The following SMYD3 variants were observed in gnomAD, a reference collection of about 807,000 sequenced individuals.
SMYD3 encodes SET and MYND domain containing 3.
SMYD3 carries 36 observed loss-of-function variants against 57.7 expected under a neutral mutation model. The ratio of observed to expected loss-of-function variants is 0.62; its 90% CI spans 0.48 to 0.82. The LOEUF is 0.82. Among genes scored for constraint, SMYD3 ranks in the 40% least tolerant of loss-of-function variants. SMYD3 has a pLI of 0.00. For missense variants in SMYD3, 515 were observed against 538.8 expected (o/e 0.96, Z 0.44); for synonymous variants, 211 against 195.0 (o/e 1.08, Z -0.68).
At chr1:245,905,462 G>A (rs2054495446) in intron 8 of SMYD3, among the ~76,000 whole-genome samples, 1 of 152,238 alleles carries the variant, frequency 6.6e-6, no homozygotes, top group Admixed American at 6.5e-5. Context: ...GTGGCCAGGG[G>A]TAAAGGTGGC....
intron 10 of SMYD3, among the ~76,000 whole-genome samples, chr1:245,802,010 C>T (rs1382536315): frequency 2.0e-5 from 3 of 151,750 alleles, no homozygotes; most frequent in African/African-American, 7.3e-5. Flanking sequence ...TATATATAAT[C>T]AATCAGTCCT....
chr1:246,503,732 G>A (rs12566653), intron 1 of SMYD3, among the ~76,000 whole-genome samples: 13,515 of 152,206 alleles, frequency 0.089, 637 homozygotes, highest in Middle Eastern at 0.21. Flanking sequence ...GGAGGCTGAG[G>A]CGGGTAGATC....
At chr1:245,953,294 A>G (rs950651844) in intron 5 of SMYD3, 1 of 999,044 alleles carries the variant, frequency 1.0e-6, no homozygotes, top group African/African-American at 1.7e-5. Context: ...GCACATTAAT[A>G]TATCAACTCC....
chr1:246,058,750 A>G (rs966419620), intron 5 of SMYD3, among the ~76,000 whole-genome samples: 1 of 152,234 alleles, frequency 6.6e-6, no homozygotes, highest in African/African-American at 2.4e-5. Context: ...TTTATTGAGG[A>G]AACAATAAAA....
intron 1 of SMYD3, among the ~76,000 whole-genome samples, chr1:246,363,850 C>CAGA (rs1182684505): frequency 1.3e-5 from 2 of 152,044 alleles, no homozygotes; most frequent in African/African-American, 4.8e-5. Flanking sequence ...ATCTGCTGAC[C>CAGA]TTCCCTCCAC....
At chr1:246,160,340 G>A (rs781515170) in intron 5 of SMYD3, among the ~76,000 whole-genome samples, 6 of 152,140 alleles carry the variant, frequency 3.9e-5, no homozygotes, top group Non-Finnish European at 8.8e-5. Flanking sequence ...TATTAAAACT[G>A]AAAATGACTA....
chr1:246,260,393 C>T (rs1630253), intron 5 of SMYD3, among the ~76,000 whole-genome samples: 40,601 of 152,072 alleles, frequency 0.27, 6,121 homozygotes, highest in East Asian at 0.58. Flanking sequence ...CTGGGTGTCC[C>T]TCACGATTCC....
rs183922398 is a variant in SMYD3, at chr1:245,920,038, C to G, written c.703-4398G>C. Among the ~76,000 whole-genome samples the G allele has an allele frequency of 1.6e-3, 246 of 152,250 alleles. 3 individuals are homozygous for G. In the South Asian group the frequency reaches 0.017, roughly 11 times the overall value. ...GATAAGATGAGCAAGTTAAGGCCGG[C>G]CACGGTGGCTCACGCCTGTAATCCC... is the stretch of plus-strand genomic sequence containing the variant. On this transcript the variant is annotated intron_variant, in intron 7 of 11. Coordinates refer to ENST00000490107, the MANE Select transcript of SMYD3 (RefSeq NM_001167740.2).
intron 5 of SMYD3, among the ~76,000 whole-genome samples, chr1:246,131,940 T>C (rs2061594181): frequency 6.6e-6 from 1 of 152,162 alleles, no homozygotes; most frequent in South Asian, 2.1e-4. Flanking sequence ...GATGTCCTTC[T>C]GAGCACAATG....
intron 5 of SMYD3, among the ~76,000 whole-genome samples, chr1:246,256,204 C>G (rs958763541): frequency 1.3e-5 from 2 of 152,062 alleles, no homozygotes; most frequent in Non-Finnish European, 2.9e-5. Context: ...GGCTGGGAGG[C>G]TAGGCCTGTC....
intron 5 of SMYD3, among the ~76,000 whole-genome samples, chr1:246,275,331 T>C (rs566822301): frequency 2.6e-5 from 4 of 152,346 alleles, no homozygotes; most frequent in South Asian, 2.1e-4. Flanking sequence ...AACAAAGATA[T>C]GGAGTCTGAT....
At chr1:245,879,990 A>G (rs112131322) in intron 8 of SMYD3, among the ~76,000 whole-genome samples, 2 of 147,894 alleles carry the variant, frequency 1.4e-5, no homozygotes, top group African/African-American at 5.0e-5. Context: ...TGCTGTACAC[A>G]CCAGAGATAG....
intron 5 of SMYD3, among the ~76,000 whole-genome samples, chr1:245,959,317 T>A (rs1308679986): frequency 6.6e-6 from 1 of 152,168 alleles, no homozygotes; most frequent in African/African-American, 2.4e-5. Context: ...ACATCCATGC[T>A]TGCTCTGTTA....
chr1:245,966,657 G>C (rs1303645265), intron 5 of SMYD3, among the ~76,000 whole-genome samples: 1 of 152,098 alleles, frequency 6.6e-6, no homozygotes, highest in Admixed American at 6.5e-5. Context: ...ATATCAACCA[G>C]AGTGCTCAAG....
chr1:246,233,970 G>A (rs1339758577), intron 5 of SMYD3, among the ~76,000 whole-genome samples: 7 of 130,496 alleles, frequency 5.4e-5, no homozygotes, highest in South Asian at 3.1e-4. Flanking sequence ...CAGAGGAGAA[G>A]CACTCCTTCA....
At chr1:245,842,084 T>C (rs553075711) in intron 10 of SMYD3, among the ~76,000 whole-genome samples, 1 of 152,330 alleles carries the variant, frequency 6.6e-6, no homozygotes, top group Admixed American at 6.5e-5. Flanking sequence ...TATAGTCTAG[T>C]TGTGTAGTAG....
At chr1:246,269,543 C>CTTTTTTTTTTTTTTT (rs570972296) in intron 5 of SMYD3, among the ~76,000 whole-genome samples, 5 of 135,204 alleles carry the variant, frequency 3.7e-5, no homozygotes, top group Admixed American at 1.5e-4. Context: ...CTTTTTTTTT[C>CTTTTTTTTTTTTTTT]TTTTTTTTTT....
At chr1:245,783,343 C>T (rs909415151) in intron 10 of SMYD3, among the ~76,000 whole-genome samples, 1 of 152,168 alleles carries the variant, frequency 6.6e-6, no homozygotes. Flanking sequence ...ATTGTGAGAA[C>T]CAGCTGTAGA....
At chr1:246,490,271 A>G (rs1033194465) in intron 1 of SMYD3, among the ~76,000 whole-genome samples, 2 of 152,196 alleles carry the variant, frequency 1.3e-5, no homozygotes, top group African/African-American at 4.8e-5. Context: ...ACTAGCTTCC[A>G]TAATCAGTAG....
Sources: gnomAD v4.1 joint callset for allele counts (sites outside exome capture counted in the v4.1 genomes callset) on GRCh38, gnomAD v4.1.1 for gene constraint, MANE v1.5 for transcripts, NCBI Gene and HGNC (gene_info 2026-07-23, HGNC 2026-07-21) for gene names.